Variants in EXOC6B observed in about 807,000 individuals in gnomAD.
EXOC6B encodes exocyst complex component 6B.
Under a neutral mutation model 113.5 loss-of-function variants are expected in EXOC6B, and 54 were observed. The observed-to-expected ratio is 0.48, with a 90% CI of 0.38 to 0.60. The LOEUF (loss-of-function observed/expected upper bound fraction) is 0.60. EXOC6B is among the 20% of genes least tolerant of loss of function. The pLI is 0.00. For missense variants in EXOC6B, 797 were observed against 977.5 expected, an observed-to-expected ratio of 0.82 and a Z score of 2.46; for synonymous variants, 357 against 339.0, an observed-to-expected ratio of 1.05 and a Z score of -0.58.
intron 6 of EXOC6B, among the ~76,000 whole-genome samples, chr2:72,670,003 A>T (rs1217670614): frequency 6.6e-6 from 1 of 152,222 alleles, no homozygotes; most frequent in Non-Finnish European, 1.5e-5. Flanking sequence ...ACAGCCATAT[A>T]AATTAGGGGA....
At chr2:72,518,166 G>A (rs1223959762) in intron 8 of EXOC6B, among the ~76,000 whole-genome samples, 1 of 152,146 alleles carries the variant, frequency 6.6e-6, no homozygotes, top group Non-Finnish European at 1.5e-5. Flanking sequence ...TTTCACTTAA[G>A]CTCCAAGCTC....
intron 20 of EXOC6B, among the ~76,000 whole-genome samples, chr2:72,237,871 T>G (rs903739111): frequency 6.6e-6 from 1 of 151,766 alleles, no homozygotes; most frequent in Non-Finnish European, 1.5e-5. Context: ...CTCTCACTTT[T>G]GGACTTAGGG....
chr2:72,278,154 T>C (rs985151437), intron 20 of EXOC6B, among the ~76,000 whole-genome samples: 1 of 152,204 alleles, frequency 6.6e-6, no homozygotes, highest in African/African-American at 2.4e-5. Context: ...GAATTTGTCA[T>C]TTTGAGTGAG....
At chr2:72,316,208 G>T (rs539808842) in intron 20 of EXOC6B, among the ~76,000 whole-genome samples, 2 of 152,296 alleles carry the variant, frequency 1.3e-5, no homozygotes, top group East Asian at 3.9e-4. Context: ...TTGAACCCAG[G>T]TGCTCACCAG....
intron 20 of EXOC6B, among the ~76,000 whole-genome samples, chr2:72,203,359 A>G (rs1338060114): frequency 4.6e-5 from 7 of 152,192 alleles, no homozygotes; most frequent in African/African-American, 1.7e-4. Context: ...GCTCTTTAAG[A>G]ACAAGGATCT....
chr2:72,203,666 C>T (rs1365699420), intron 20 of EXOC6B, among the ~76,000 whole-genome samples: 1 of 152,144 alleles, frequency 6.6e-6, no homozygotes, highest in Non-Finnish European at 1.5e-5. Context: ...AATACTTAAC[C>T]ACCAAGAATT....
intron 6 of EXOC6B, among the ~76,000 whole-genome samples, chr2:72,641,138 G>A (rs111844228): frequency 5.3e-5 from 8 of 152,306 alleles, no homozygotes; most frequent in South Asian, 2.1e-4. Context: ...CTGCAGCTCC[G>A]AGCGTGATCA....
At chr2:72,335,051 C>G in intron 19 of EXOC6B, 31 bp from the exon 20 acceptor site, 1 of 1,595,176 alleles carries the variant, frequency 6.3e-7, no homozygotes, top group Middle Eastern at 1.7e-4. Flanking sequence ...TAAAAAGCGC[C>G]TTTAACTAAC....
At chr2:72,533,983 T>C (rs975725207) in intron 8 of EXOC6B, among the ~76,000 whole-genome samples, 1 of 152,164 alleles carries the variant, frequency 6.6e-6, no homozygotes, top group East Asian at 1.9e-4. Flanking sequence ...AGCAGATAAA[T>C]TAATCTCACT....
intron 6 of EXOC6B, among the ~76,000 whole-genome samples, chr2:72,679,124 T>C (rs770176892): frequency 5.3e-5 from 8 of 152,098 alleles, no homozygotes; most frequent in Non-Finnish European, 1.0e-4. Context: ...TGGATAGTAA[T>C]GGCGTGATCT....
chr2:72,212,101 A>G (rs1181073502), intron 20 of EXOC6B, among the ~76,000 whole-genome samples: 4 of 152,224 alleles, frequency 2.6e-5, no homozygotes, highest in Non-Finnish European at 1.5e-5. Context: ...TGGTGTATCA[A>G]AATGAGTGCT....
intron 11 of EXOC6B, among the ~76,000 whole-genome samples, chr2:72,500,996 C>G (rs1700292450): frequency 6.6e-6 from 1 of 152,082 alleles, no homozygotes; most frequent in South Asian, 2.1e-4. Flanking sequence ...ATCTCCTATC[C>G]CATTTTAAGA....
At chr2:72,508,184 A>AAAAAAAAAC (rs923877882) in intron 11 of EXOC6B, among the ~76,000 whole-genome samples, 1,993 of 88,218 alleles carry the variant, frequency 0.023, 83 homozygotes, top group African/African-American at 0.049. Context: ...AAAAAAAAAA[A>AAAAAAAAAC]ACACCTAAAA....
At chr2:72,614,356 A>C (rs1356964479) in intron 6 of EXOC6B, among the ~76,000 whole-genome samples, 2 of 152,172 alleles carry the variant, frequency 1.3e-5, no homozygotes, top group Admixed American at 1.3e-4. Context: ...CAGGGCAGGG[A>C]ACCAGGAGAT....
intron 1 of EXOC6B, among the ~76,000 whole-genome samples, chr2:72,754,537 T>A (rs1682277273): frequency 6.6e-6 from 1 of 152,124 alleles, no homozygotes; most frequent in Admixed American, 6.5e-5. Context: ...CCAGCCAAAT[T>A]TAATCTACAA....
intron 6 of EXOC6B, among the ~76,000 whole-genome samples, chr2:72,673,094 A>G (rs756430161): frequency 6.6e-6 from 1 of 152,194 alleles, no homozygotes; most frequent in Non-Finnish European, 1.5e-5. Flanking sequence ...TTCAGAAAAA[A>G]CAATTAAAAT....
rs546201342 is a variant in EXOC6B, at chr2:72,315,327, G to A, written c.2196+19620C>T. The stretch of plus-strand genomic sequence containing the variant: ...TAACTGAGGAAAAAGTAGTCACAGA[G>A]TTAAAGGGTGTATGTGTGTGTGTGT... On this transcript the variant is annotated intron_variant, in intron 20 of 21. Transcript: ENST00000272427. Among the ~76,000 whole-genome samples the A allele has an allele frequency of 5.3e-5, 8 of 151,656 alleles. 1 individual carries two copies. Among genetic ancestry groups the A allele is most frequent in the African/African-American group, 1.9e-4 (8 of 41,162 alleles).
chr2:72,317,831 T>C (rs1027917476), intron 20 of EXOC6B, among the ~76,000 whole-genome samples: 2 of 152,162 alleles, frequency 1.3e-5, no homozygotes, highest in Non-Finnish European at 2.9e-5. Flanking sequence ...TAAAGACTAC[T>C]ATAGTAGCTT....
chr2:72,682,657 G>T (rs1037313645), intron 6 of EXOC6B, among the ~76,000 whole-genome samples: 1 of 152,146 alleles, frequency 6.6e-6, no homozygotes, highest in African/African-American at 2.4e-5. Context: ...AAAGATATAA[G>T]TTGCCTAGTG....
Sources: gnomAD v4.1 joint callset for allele counts (sites outside exome capture counted in the v4.1 genomes callset) on GRCh38, gnomAD v4.1.1 for gene constraint, MANE v1.5 for transcripts, NCBI Gene and HGNC (gene_info 2026-07-23, HGNC 2026-07-21) for gene names.